The following DIP2C variants were observed in gnomAD, a reference collection of about 807,000 sequenced individuals.
The protein encoded by DIP2C is disco-interacting protein 2 homolog C.
DIP2C carries 33 observed loss-of-function variants against 192.4 expected under a neutral mutation model. The ratio of observed to expected loss-of-function variants is 0.17; its 90% confidence interval spans 0.13 to 0.23. The LOEUF is 0.23. DIP2C is among the 10% of genes least tolerant of loss of function. The probability of loss-of-function intolerance (pLI) is 1.00; values close to 1 mark genes in which losing one functional copy is unlikely to be tolerated. For missense variants in DIP2C, 1,537 were observed against 2,110.1 expected, an observed-to-expected ratio of 0.73 and a Z score of 5.32; for synonymous variants, 979 against 864.1, an observed-to-expected ratio of 1.13 and a Z score of -2.33.
rs1435804670 is a variant in DIP2C at position 378,816 on chromosome 10, AAC to A, written c.1991+3829_1991+3830del. ...ATGGACATGCATAAAGACACAAATG[AAC>A]AGACATGCACAGATGTGAACAGACA... On this transcript the variant is annotated intron_variant, in intron 17 of 36. Coordinates refer to ENST00000280886, the MANE Select transcript of DIP2C (RefSeq NM_014974.3). 9.3e-5 allele frequency among the ~76,000 whole-genome samples: 4 copies of A among 42,964 alleles called. No individual in the cohort carries two copies. In the East Asian group the frequency reaches 4.0e-3, roughly 43 times the overall value. The allele number at this position is 42,964 out of a possible 152,430, so 28.2% of individuals were successfully genotyped here. A position where few individuals can be genotyped will look rare whatever the true frequency, so the allele number is the denominator to read the frequency against.
At chr10:465,489 G>GC (rs1970128002) in intron 3 of DIP2C, among the ~76,000 whole-genome samples, 1 of 151,992 alleles carries the variant, frequency 6.6e-6, no homozygotes. Context: ...ACACAGGGAT[G>GC]CCCTCTCTCA....
rs372296939 is a variant in DIP2C at position 382,715 on chromosome 10, T to C, written c.1923A>G (p.Lys641=). The change falls in exon 17 of 37, where the codon AAA becomes AAG. Residue 641 remains lysine, a synonymous_variant. Transcript: ENST00000280886. ...GACAGATGACCTCCTGTCGAAGGCC[T>C]TTACTTTGGAAGACATTGAGAAATG... The part of the protein sequence containing the change: ...CDAFLNVFQS[K]GLRQEVICPC... 1.2e-6 allele frequency: 2 copies of C among 1,613,650 alleles called. No individual in the cohort carries two copies. The highest frequency in any genetic ancestry group is 1.7e-6 in the Non-Finnish European group (2 of 1,179,888).
chr10:479,328 CTTTTTT>C (rs766379689), intron 2 of DIP2C, among the ~76,000 whole-genome samples: 7 of 88,414 alleles, frequency 7.9e-5, no homozygotes, highest in Non-Finnish European at 1.1e-4. Context: ...TCTCACACTG[CTTTTTT>C]TTTTTTTTTT....
intron 1 of DIP2C, among the ~76,000 whole-genome samples, chr10:614,983 G>A (rs1289937923): frequency 6.6e-6 from 1 of 152,240 alleles, no homozygotes; most frequent in African/African-American, 2.4e-5. Flanking sequence ...CAGCTGGACA[G>A]GCCACCAGAT....
chr10:524,636 A>G (rs1846940631), intron 1 of DIP2C, among the ~76,000 whole-genome samples: 2 of 152,186 alleles, frequency 1.3e-5, no homozygotes, highest in South Asian at 4.1e-4. Flanking sequence ...TTGCAAACAA[A>G]ACATTCTCTA....
intron 8 of DIP2C, among the ~76,000 whole-genome samples, chr10:413,201 T>C (rs1965297464): frequency 6.6e-6 from 1 of 152,216 alleles, no homozygotes; most frequent in African/African-American, 2.4e-5. Flanking sequence ...TGCCCCTCCA[T>C]GGCCTCTTAT....
At chr10:447,981 A>G (rs1184047856) in intron 3 of DIP2C, among the ~76,000 whole-genome samples, 6 of 123,596 alleles carry the variant, frequency 4.9e-5, no homozygotes, top group Non-Finnish European at 7.9e-5. Context: ...GTTGATATTC[A>G]GGATCACACA....
At chr10:571,213 C>G (rs576342821) in intron 1 of DIP2C, among the ~76,000 whole-genome samples, 1 of 152,376 alleles carries the variant, frequency 6.6e-6, no homozygotes, top group East Asian at 1.9e-4. Context: ...AAGCACTTCT[C>G]TCTCCAACCT....
intron 1 of DIP2C, among the ~76,000 whole-genome samples, chr10:526,943 C>A (rs986386234): frequency 1.3e-5 from 2 of 152,226 alleles, no homozygotes; most frequent in Non-Finnish European, 2.9e-5. Flanking sequence ...AGCAACTCAT[C>A]CAAGTCTGTT....
chr10:647,553 G>A (rs1269510724), intron 1 of DIP2C, among the ~76,000 whole-genome samples: 1 of 146,608 alleles, frequency 6.8e-6, no homozygotes, highest in Non-Finnish European at 1.5e-5. Flanking sequence ...GAGAACAGAG[G>A]GAAACTGAGT....
chr10:341,404 G>GGAAC (rs1958138926), intron 28 of DIP2C, 75 bp from the exon 29 acceptor site: 2 of 1,447,694 alleles, frequency 1.4e-6, no homozygotes, highest in African/African-American at 3.6e-5. Context: ...GGGGCTGCAG[G>GGAAC]GAACGCAAGG....
chr10:428,400 A>C (rs1053188088), intron 4 of DIP2C, among the ~76,000 whole-genome samples: 1 of 152,188 alleles, frequency 6.6e-6, no homozygotes, highest in Non-Finnish European at 1.5e-5. Flanking sequence ...ATCCGTGTTT[A>C]TAAAGGAGAT....
chr10:448,269 C>CGT (rs1968474041), intron 3 of DIP2C, among the ~76,000 whole-genome samples: 10 of 135,158 alleles, frequency 7.4e-5, no homozygotes, highest in East Asian at 2.1e-4. Flanking sequence ...CCACTCATCC[C>CGT]TGTCTATACT....
chr10:489,329 A>T (rs997146015), intron 1 of DIP2C, among the ~76,000 whole-genome samples: 1 of 152,208 alleles, frequency 6.6e-6, no homozygotes, highest in Non-Finnish European at 1.5e-5. Flanking sequence ...TTGAAGAACC[A>T]ATGTTTCCCG....
At chr10:580,150 C>T (rs144251256) in intron 1 of DIP2C, among the ~76,000 whole-genome samples, 1,654 of 152,134 alleles carry the variant, frequency 0.011, 16 homozygotes, top group African/African-American at 0.031. Context: ...TACACATATC[C>T]GATGTACAGT....
intron 1 of DIP2C, among the ~76,000 whole-genome samples, chr10:586,034 T>C (rs1170688125): frequency 6.6e-6 from 1 of 152,172 alleles, no homozygotes; most frequent in Non-Finnish European, 1.5e-5. Flanking sequence ...GCAGGACTCC[T>C]GGGCAGAAAC....
intron 19 of DIP2C, chr10:364,850 T>G (rs946821711): frequency 7.9e-6 from 5 of 636,034 alleles, no homozygotes; most frequent in Non-Finnish European, 1.5e-5. Flanking sequence ...CCTGAACAGA[T>G]AACACCCAGA....
At chr10:603,337 A>T (rs1002678267) in intron 1 of DIP2C, among the ~76,000 whole-genome samples, 1 of 142,038 alleles carries the variant, frequency 7.0e-6, no homozygotes, top group African/African-American at 2.7e-5. Context: ...AAAAAAACCA[A>T]CCATGAGATT....
intron 1 of DIP2C, among the ~76,000 whole-genome samples, chr10:563,500 C>G (rs937559008): frequency 1.3e-5 from 2 of 152,188 alleles, no homozygotes; most frequent in African/African-American, 4.8e-5. Context: ...GCTAGGCATA[C>G]AGTGTACGTC....
Sources: gnomAD v4.1 joint callset for allele counts (sites outside exome capture counted in the v4.1 genomes callset) on GRCh38, gnomAD v4.1.1 for gene constraint, MANE v1.5 for transcripts, NCBI Gene and HGNC (gene_info 2026-07-23, HGNC 2026-07-21) for gene names.